Variants in DCAF10 observed in about 807,000 individuals in gnomAD.
DCAF10 encodes DDB1 and CUL4 associated factor 10.
DCAF10 carries 19 observed loss-of-function variants against 51.9 expected under a neutral mutation model. The ratio of observed to expected loss-of-function variants is 0.37; its 90% CI spans 0.26 to 0.54. DCAF10 has a LOEUF of 0.54. Among genes scored for constraint, DCAF10 ranks in the 20% least tolerant of loss-of-function variants. DCAF10 has a pLI of 0.87. For synonymous variants in DCAF10, 291 were observed against 297.1 expected (o/e 0.98, Z 0.21); for missense variants, 510 against 730.6 (o/e 0.70, Z 3.48).
rs1828963657 is a variant in DCAF10, at chr9:37,801,920, A to G, written c.539+515A>G. 6.6e-6 allele frequency among the ~76,000 whole-genome samples: 1 copy of G among 152,160 alleles called. No individual in the cohort carries two copies. Among genetic ancestry groups the G allele is most frequent in the Non-Finnish European group, 1.5e-5 (1 of 68,022 alleles). ...AAGACACTGTAGAGACGTGGCTCTC[A>G]TGATTTGGGTCATTTGTGAAGTCCC... On this transcript the variant is annotated intron_variant, in intron 1 of 6. Transcript: ENST00000377724. The surrounding 1 kb of genome is among the most constrained non-coding windows in gnomAD (Gnocchi z 5.5).
rs1445384490 is a variant in DCAF10 at position 37,836,321 on chromosome 9, A to T, written c.654-5768A>T. On this transcript the variant is annotated intron_variant, in intron 2 of 6. Transcript: ENST00000377724. ...TTGCCATGGAAGTAACAAAGACACAATTAGAACAGTTACCAGAACACATCA... is the reference window on the plus strand; with the variant it reads ...TTGCCATGGAAGTAACAAAGACACATTTAGAACAGTTACCAGAACACATCA... The T allele has an allele frequency of 2.5e-6, 4 of 1,609,042 alleles. No individual in the cohort carries two copies. The Admixed American group carries it at 5.0e-5, about 20-fold the overall frequency.
At chr9:37,805,413 G>A (rs913384125) in intron 1 of DCAF10, among the ~76,000 whole-genome samples, 7 of 152,168 alleles carry the variant, frequency 4.6e-5, no homozygotes, top group Non-Finnish European at 7.4e-5. Context: ...GAACCTGGGA[G>A]GCAGAGGTTG....
At chr9:37,806,141 T>C (rs549221601) in intron 1 of DCAF10, among the ~76,000 whole-genome samples, 14 of 152,240 alleles carry the variant, frequency 9.2e-5, no homozygotes, top group Non-Finnish European at 1.5e-4. Context: ...AATCTTACTC[T>C]TAATGGCATT....
At position 37,801,448 on chromosome 9, in the gene DCAF10, G is replaced by T; in HGVS notation, c.539+43G>T. On this transcript the variant is annotated intron_variant, in intron 1 of 6. Transcript: ENST00000377724. The surrounding 1 kb of genome is among the most constrained non-coding windows in gnomAD (Gnocchi z 5.5). ...GAGGGCGGGCGCCCGCCTCCGCCCG[G>T]CTCTGCTGCCAGCGGACGGCCGTCC... 7.2e-7 allele frequency: 1 copy of T among 1,383,864 alleles called. No individual in the cohort carries two copies. Among genetic ancestry groups the T allele is most frequent in the Non-Finnish European group, 9.4e-7 (1 of 1,067,672 alleles). The allele number at this position is 1,383,864 out of a possible 1,614,324, so 85.7% of individuals were successfully genotyped here.
At position 37,836,293 on chromosome 9, in the gene DCAF10, G is replaced by C; in HGVS notation, c.654-5796G>C. On this transcript the variant is annotated intron_variant, in intron 2 of 6. Transcript: ENST00000377724. Reference sequence around the variant, plus strand: ...TATATTCAGCGAAACTTACCTGAAAGGGTTGCCATGGAAGTAACAAAGACA... The same window carrying C: ...TATATTCAGCGAAACTTACCTGAAACGGTTGCCATGGAAGTAACAAAGACA... 6 of 1,598,208 alleles carry C rather than the reference G, an allele frequency of 3.8e-6. No individual in the cohort carries two copies. In the South Asian group the frequency reaches 5.5e-5, roughly 15 times the overall value.
intron 3 of DCAF10, among the ~76,000 whole-genome samples, chr9:37,853,694 C>T (rs1414215626): frequency 2.0e-5 from 3 of 152,028 alleles, no homozygotes; most frequent in African/African-American, 4.8e-5. Context: ...GCACCGTCCA[C>T]ATCCCAGGCT....
chr9:37,835,417 G>A (rs1472785362), intron 2 of DCAF10, among the ~76,000 whole-genome samples: 1 of 151,948 alleles, frequency 6.6e-6, no homozygotes, highest in Non-Finnish European at 1.5e-5. Context: ...TGTCTCTACT[G>A]AAAATACAAA....
intron 3 of DCAF10, among the ~76,000 whole-genome samples, chr9:37,847,316 G>A (rs1589108131): frequency 1.4e-5 from 2 of 142,954 alleles, no homozygotes; most frequent in Admixed American, 6.9e-5. Context: ...AAAAAAGGAT[G>A]GAAAAATCCT....
At position 37,818,245 on chromosome 9, in the gene DCAF10, C is replaced by G. The variant is rs1376632345; in HGVS notation, c.540-1043C>G. Among the ~76,000 whole-genome samples the G allele has an allele frequency of 1.3e-5, 2 of 152,206 alleles. 1 individual carries two copies. Among genetic ancestry groups the G allele is most frequent in the African/African-American group, 4.8e-5 (2 of 41,448 alleles). On this transcript the variant is annotated intron_variant, in intron 1 of 6. Coordinates refer to ENST00000377724, the MANE Select transcript of DCAF10 (RefSeq NM_024345.5). ...TCCTGACCTTGTGATCCACCCACCT[C>G]GGTCTCCCAAAGTACTGGGATCACA...
chr9:37,838,713 A>G (rs1830245617), intron 2 of DCAF10, among the ~76,000 whole-genome samples: 1 of 152,028 alleles, frequency 6.6e-6, no homozygotes, highest in Non-Finnish European at 1.5e-5. Flanking sequence ...CCAACCTGAC[A>G]AAACCTGTCT....
chr9:37,800,678 G>A (rs780267422), upstream of DCAF10: 274 of 1,535,964 alleles, frequency 1.8e-4, no homozygotes, highest in Non-Finnish European at 2.4e-4. Flanking sequence ...TCCGTTCCCG[G>A]GACTGCGGCG....
chr9:37,816,573 A>G (rs1209124229), intron 1 of DCAF10, among the ~76,000 whole-genome samples: 1 of 150,948 alleles, frequency 6.6e-6, no homozygotes, highest in African/African-American at 2.5e-5. Flanking sequence ...TTGGGCAACA[A>G]GAGCAAAACT....
At chr9:37,846,292 C>T (rs547033303) in intron 3 of DCAF10, among the ~76,000 whole-genome samples, 134 of 151,988 alleles carry the variant, frequency 8.8e-4, no homozygotes, top group African/African-American at 3.1e-3. Context: ...AACATTTAGT[C>T]ATAATTAAAA....
chr9:37,801,115 C>A lies in DCAF10; in HGVS notation c.249C>A (p.Ser83=). 6.5e-7 allele frequency: 1 copy of A among 1,535,498 alleles called. No homozygotes were observed. The highest frequency in any genetic ancestry group is 1.2e-5 in the South Asian group (1 of 82,832). The part of the protein sequence containing the change: ...LPGAPESSTA[S]APGEPSPPSP... ...GAGCTCCGGAGTCCTCAACTGCCTC[C>A]GCCCCGGGAGAGCCGTCACCTCCCT... Residue 83 remains serine (S), a synonymous_variant, in exon 1 of 7, where the codon TCC becomes TCA. Transcript: ENST00000377724. This position sits in a 1 kb window ranked among gnomAD's most constrained non-coding sequence, Gnocchi z 5.5.
At chr9:37,817,935 G>A (rs73449304) in intron 1 of DCAF10, among the ~76,000 whole-genome samples, 29,166 of 151,928 alleles carry the variant, frequency 0.19, 3,202 homozygotes, top group African/African-American at 0.29. Context: ...TTGAAGTCCA[G>A]ATGTCTTAAA....
intron 2 of DCAF10, among the ~76,000 whole-genome samples, chr9:37,826,509 A>G (rs1023641377): frequency 2.0e-5 from 3 of 152,192 alleles, no homozygotes; most frequent in Admixed American, 1.3e-4. Context: ...TGCTTAGTAT[A>G]TAGTCCAGAG....
chr9:37,839,262 A>G (rs1462865900), intron 2 of DCAF10, among the ~76,000 whole-genome samples: 1 of 151,910 alleles, frequency 6.6e-6, no homozygotes, highest in Non-Finnish European at 1.5e-5. Context: ...GGGTTTCACC[A>G]TCTCGGCCAG....
At chr9:37,837,756 A>G (rs1830213896) in intron 2 of DCAF10, among the ~76,000 whole-genome samples, 1 of 151,988 alleles carries the variant, frequency 6.6e-6, no homozygotes, top group South Asian at 2.1e-4. Flanking sequence ...ATGACTTCTC[A>G]GTTTTTCCCC....
intron 1 of DCAF10, among the ~76,000 whole-genome samples, chr9:37,816,934 A>G (rs1328919246): frequency 6.6e-6 from 1 of 152,222 alleles, no homozygotes; most frequent in Non-Finnish European, 1.5e-5. Context: ...ACTTGAAGAG[A>G]AAGCATAGTA....
Sources: allele counts gnomAD v4.1 joint callset (sites outside exome capture counted in the v4.1 genomes callset), GRCh38; gene constraint gnomAD v4.1.1; non-coding constraint Gnocchi (gnomAD v3.1); transcripts MANE v1.5; gene names NCBI Gene and HGNC (gene_info 2026-07-23, HGNC 2026-07-21).